The following KIAA1217 variants were observed in gnomAD, a reference collection of about 807,000 sequenced individuals.
KIAA1217 encodes the protein sickle tail protein homolog.
Under a neutral mutation model 163.9 loss-of-function variants are expected in KIAA1217, and 88 were observed. That is an observed-to-expected ratio of 0.54 (90% CI 0.45 to 0.64). KIAA1217 has a LOEUF of 0.64. Ranked by LOEUF, KIAA1217 falls within the 30% of genes least tolerant of loss-of-function variation. KIAA1217 has a pLI of 0.00. For missense variants in KIAA1217, 2,372 were observed against 2,475.0 expected, an observed-to-expected ratio of 0.96 and a Z score of 0.88; for synonymous variants, 903 against 923.1, an observed-to-expected ratio of 0.98 and a Z score of 0.39.
intron 2 of KIAA1217, among the ~76,000 whole-genome samples, chr10:24,264,111 G>A (rs754216911): frequency 2.2e-4 from 33 of 152,012 alleles, no homozygotes; most frequent in Non-Finnish European, 2.5e-4. Context: ...CGCCCACCTC[G>A]GCCTCCCAAA....
At chr10:24,077,069 G>T (rs1324877185) in intron 2 of KIAA1217, among the ~76,000 whole-genome samples, 1 of 152,148 alleles carries the variant, frequency 6.6e-6, no homozygotes, top group East Asian at 1.9e-4. Context: ...TAGAGACAGG[G>T]TTTTACCGTG....
intron 1 of KIAA1217, among the ~76,000 whole-genome samples, chr10:23,926,221 G>A (rs1389449494): frequency 6.6e-6 from 1 of 152,114 alleles, no homozygotes; most frequent in African/African-American, 2.4e-5. Context: ...TGGGTGGAGG[G>A]GGCTGGGAAA....
At position 24,524,385 on chromosome 10, in the gene KIAA1217, T is replaced by C. The variant is rs763846960; in HGVS notation, c.2519T>C (p.Met840Thr). The C allele has an allele frequency of 1.9e-6, 3 of 1,610,944 alleles. No homozygotes were observed. In the Admixed American group the frequency reaches 5.0e-5, roughly 27 times the overall value. The change falls in exon 13 of 21, where the codon ATG becomes ACG. Residue 840 changes from methionine (M) to threonine (T), a missense_variant. Transcript: ENST00000376454. Reference sequence around the variant, plus strand: ...GCCCAAGCCGCACAGTACATGGCTATGGAAAAGGCCACAGCCGCAGAAGTC... The same window carrying C: ...GCCCAAGCCGCACAGTACATGGCTACGGAAAAGGCCACAGCCGCAGAAGTC... ...DAAQAAQYMA[M>T]EKATAAEVLK...
intron 1 of KIAA1217, among the ~76,000 whole-genome samples, chr10:23,904,172 T>C (rs1179697498): frequency 6.6e-6 from 1 of 152,130 alleles, no homozygotes; most frequent in East Asian, 1.9e-4. Flanking sequence ...CAATTGGTAT[T>C]TAAGATGTTT....
intron 9 of KIAA1217, among the ~76,000 whole-genome samples, chr10:24,503,468 A>G (rs1832317446): frequency 1.3e-5 from 2 of 152,216 alleles, no homozygotes; most frequent in African/African-American, 4.8e-5. Flanking sequence ...TCAGGGGGTG[A>G]CAAAGTCACA....
rs2063761482 is a variant in KIAA1217 at position 24,473,876 on chromosome 10, A to G, written c.1495A>G (p.Met499Val). The change falls in exon 6 of 21, where the codon ATG becomes GTG. Residue 499 changes from methionine to valine, a missense_variant. Met to Val is a conservative substitution (Grantham distance 21, BLOSUM62 1). Around this residue, in one of 3 missense-constraint regions of KIAA1217, gnomAD observed 1,431 missense variants for 1,470.3 expected, o/e 0.97. Transcript: ENST00000376454. ...HYNAHGPPHT[M>V]QPDRASPSRQ... is the part of the protein sequence containing the mutation. ...TAATGCCCACGGCCCCCCTCACACC[A>G]TGCAGCCAGACCGGGCCTCTCCGAG... is the stretch of plus-strand genomic sequence containing the variant. 1.9e-6 allele frequency: 3 copies of G among 1,614,076 alleles called. No individual in the cohort carries two copies. The highest frequency in any genetic ancestry group is 3.3e-4 in the Middle Eastern group (2 of 6,062).
intron 2 of KIAA1217, among the ~76,000 whole-genome samples, chr10:24,132,529 C>T (rs1000521370): frequency 4.6e-5 from 7 of 152,138 alleles, no homozygotes; most frequent in Non-Finnish European, 1.0e-4. Context: ...CCGGCAGGAC[C>T]CAGTCTTCTA....
intron 1 of KIAA1217, among the ~76,000 whole-genome samples, chr10:23,946,620 A>G (rs980049939): frequency 2.0e-5 from 3 of 152,146 alleles, no homozygotes; most frequent in Admixed American, 2.0e-4. Flanking sequence ...TGTTTTCATC[A>G]TTTAAAATAT....
intron 2 of KIAA1217, among the ~76,000 whole-genome samples, chr10:24,247,204 G>T (rs1564337200): frequency 6.7e-6 from 1 of 150,140 alleles, no homozygotes; most frequent in South Asian, 2.1e-4. Context: ...TATGTGTGCA[G>T]ATTTGTTACA....
At chr10:23,980,634 T>C (rs1218851822) in intron 1 of KIAA1217, among the ~76,000 whole-genome samples, 1 of 152,170 alleles carries the variant, frequency 6.6e-6, no homozygotes, top group African/African-American at 2.4e-5. Flanking sequence ...AATTCCTCTT[T>C]CCACCAGCCC....
intron 3 of KIAA1217, among the ~76,000 whole-genome samples, chr10:24,414,882 A>T (rs1424129439): frequency 1.5e-5 from 2 of 136,010 alleles, no homozygotes; most frequent in African/African-American, 5.4e-5. Flanking sequence ...GCCATGTGTG[A>T]TGCCTCTTAA....
In KIAA1217 at chr10:24,397,106, C is replaced by CTGTTTT. The variant is rs1200787890; in HGVS notation, c.553+16040_553+16041insGTTTTT. Reference sequence around the variant, plus strand: ...ATGGAGAAGGCATAGATGTAAGAAACTCTTTTTTTTTTTTTTTTTTTTTGA... The same window carrying CTGTTTT: ...ATGGAGAAGGCATAGATGTAAGAAACTGTTTTTCTTTTTTTTTTTTTTTTTTTTTGA... On this transcript the variant is annotated intron_variant, in intron 3 of 20. Transcript: ENST00000376454. Among the ~76,000 whole-genome samples, 121 of 138,210 alleles carry CTGTTTT rather than the reference C, an allele frequency of 8.8e-4. 1 individual carries two copies. The highest frequency in any genetic ancestry group is 3.1e-3 in the African/African-American group (115 of 36,580). The allele number at this position is 138,210 out of a possible 152,430, so 90.7% of individuals were successfully genotyped here.
At chr10:23,843,747 G>A (rs886666836) in intron 1 of KIAA1217, among the ~76,000 whole-genome samples, 11 of 152,244 alleles carry the variant, frequency 7.2e-5, no homozygotes, top group Non-Finnish European at 1.3e-4. Flanking sequence ...TTCCCTTGGC[G>A]AAAACCTATG....
intron 2 of KIAA1217, among the ~76,000 whole-genome samples, chr10:24,177,146 A>G: frequency 6.6e-6 from 1 of 151,234 alleles, no homozygotes. Context: ...AGGGGCTCCC[A>G]CAGTGCAGCA....
In KIAA1217 at chr10:24,463,519, G is replaced by A. The variant is rs187408133; in HGVS notation, c.847-9709G>A. Reference sequence around the variant, plus strand: ...TAGGCTAACTAAAACCTTACAAATGGCAATCTTCCCAATTTTACCAATGCA... The same window carrying A: ...TAGGCTAACTAAAACCTTACAAATGACAATCTTCCCAATTTTACCAATGCA... On this transcript the variant is annotated intron_variant, in intron 5 of 20. Transcript: ENST00000376454. Among the ~76,000 whole-genome samples the A allele has an allele frequency of 2.6e-5, 4 of 152,166 alleles. 1 individual carries two copies. Among genetic ancestry groups the A allele is most frequent in the Non-Finnish European group, 5.9e-5 (4 of 68,036 alleles).
At chr10:24,129,649 T>C (rs2063583544) in intron 2 of KIAA1217, among the ~76,000 whole-genome samples, 1 of 152,130 alleles carries the variant, frequency 6.6e-6, no homozygotes, top group Non-Finnish European at 1.5e-5. Context: ...CCCTACCATA[T>C]GACTCTGTTA....
rs758369370 is a variant in KIAA1217 at position 24,543,612 on chromosome 10, G to A, written c.4342G>A (p.Asp1448Asn). The A allele has an allele frequency of 3.3e-5, 53 of 1,614,000 alleles. No individual in the cohort carries two copies. In the East Asian group the frequency reaches 9.6e-4, roughly 29 times the overall value. The change falls in exon 19 of 21, where the codon GAT becomes AAT. Residue 1448 changes from aspartate to asparagine, a missense_variant. Asp to Asn is a conservative substitution (Grantham distance 23). Around this residue, in one of 3 missense-constraint regions of KIAA1217, gnomAD observed 690 missense variants for 677.5 expected, o/e 1.02. Coordinates refer to ENST00000376454, the MANE Select transcript of KIAA1217 (RefSeq NM_019590.5). ...CAAGAAACCAGTGATCATCATTTTC[G>A]ATGAGCCCATGGACATCCGGTCTGC... Reference protein sequence around the residue: ...LDKKPVIIIFDEPMDIRSAYK... With the variant: ...LDKKPVIIIFNEPMDIRSAYK...
intron 1 of KIAA1217, among the ~76,000 whole-genome samples, chr10:23,805,353 G>T (rs925257744): frequency 1.3e-5 from 2 of 152,132 alleles, no homozygotes; most frequent in Admixed American, 6.6e-5. Context: ...CCATAAAAAA[G>T]AATACGATCA....
chr10:24,113,750 G>A (rs1046984036), intron 2 of KIAA1217, among the ~76,000 whole-genome samples: 6 of 152,196 alleles, frequency 3.9e-5, no homozygotes, highest in African/African-American at 1.4e-4. Context: ...ATTATCCAGG[G>A]AACTGGAAGC....
Sources: allele counts gnomAD v4.1 joint callset (sites outside exome capture counted in the v4.1 genomes callset), GRCh38; gene constraint gnomAD v4.1.1; regional missense constraint gnomAD v4.1.1; transcripts MANE v1.5; gene names NCBI Gene and HGNC (gene_info 2026-07-23, HGNC 2026-07-21).